Variants in ZNF568 observed in about 807,000 individuals in gnomAD.
The protein encoded by ZNF568 is zinc finger protein 568.
A neutral mutation model predicts 18.1 loss-of-function variants in ZNF568; 11 were observed. That is an observed-to-expected ratio of 0.61 (90% CI 0.38 to 1.00). ZNF568 has a LOEUF of 1.00. Among genes scored for constraint, ZNF568 ranks in the 50% least tolerant of loss-of-function variants. ZNF568 has a pLI of 0.01. For synonymous variants in ZNF568, 213 were observed against 246.6 expected, an observed-to-expected ratio of 0.86 and a Z score of 1.28; for missense variants, 639 against 768.2, an observed-to-expected ratio of 0.83 and a Z score of 1.99.
intron 6 of ZNF568, among the ~76,000 whole-genome samples, chr19:36,947,651 C>T (rs1297043681): frequency 3.3e-5 from 5 of 152,074 alleles, no homozygotes; most frequent in Non-Finnish European, 5.9e-5. Flanking sequence ...CTTTTTAGTC[C>T]CACTCTTATC....
intron 2 of ZNF568, among the ~76,000 whole-genome samples, chr19:36,917,940 G>T (rs762185726): frequency 6.6e-6 from 1 of 151,858 alleles, no homozygotes; most frequent in Non-Finnish European, 1.5e-5. Context: ...AGTTTTTGTT[G>T]TTGTTGTTGT....
intron 6 of ZNF568, among the ~76,000 whole-genome samples, chr19:36,947,050 C>A (rs1568391079): frequency 6.8e-6 from 1 of 147,608 alleles, no homozygotes; most frequent in Non-Finnish European, 1.5e-5. Flanking sequence ...GAGTCTCACT[C>A]TGTTGCCCAG....
chr19:36,982,007 C>T (rs1349880893), downstream of ZNF568, among the ~76,000 whole-genome samples: 1 of 151,150 alleles, frequency 6.6e-6, no homozygotes, highest in Non-Finnish European at 1.5e-5. Context: ...GATTTTATAT[C>T]CCCCCACCTT....
At chr19:36,948,465 T>C (rs962571659) in intron 6 of ZNF568, among the ~76,000 whole-genome samples, 3 of 152,182 alleles carry the variant, frequency 2.0e-5, no homozygotes, top group African/African-American at 7.2e-5. Context: ...TTTCAACTCA[T>C]TGGGGTAAAT....
At chr19:36,994,368 A>C (rs954174718) in intron 4 of ZNF568, among the ~76,000 whole-genome samples, 1 of 152,174 alleles carries the variant, frequency 6.6e-6, no homozygotes, top group Non-Finnish European at 1.5e-5. Context: ...GCTTGAGAAA[A>C]ATGTGTATTC....
chr19:36,967,642 C>T (rs1489894860), intron 6 of ZNF568, among the ~76,000 whole-genome samples: 1 of 152,172 alleles, frequency 6.6e-6, no homozygotes, highest in Non-Finnish European at 1.5e-5. Context: ...ACAAACTGAC[C>T]ATAGAAGCTG....
At chr19:36,934,289 A>T (rs1600789830) in intron 4 of ZNF568, among the ~76,000 whole-genome samples, 1 of 143,226 alleles carries the variant, frequency 7.0e-6, no homozygotes, top group Non-Finnish European at 1.5e-5. Context: ...TAGTTTGATC[A>T]TCTTCTTCTA....
intron 4 of ZNF568, among the ~76,000 whole-genome samples, chr19:36,936,178 A>G (rs1175473264): frequency 1.3e-5 from 2 of 152,166 alleles, no homozygotes; most frequent in Non-Finnish European, 2.9e-5. Flanking sequence ...CTTCAGATTT[A>G]TACTAAGTTC....
chr19:36,983,092 G>A (rs2074344891), downstream of ZNF568, among the ~76,000 whole-genome samples: 1 of 152,178 alleles, frequency 6.6e-6, no homozygotes, highest in African/African-American at 2.4e-5. Context: ...TCAAATTTTA[G>A]TGTTCATGAA....
chr19:36,990,640 A>T (rs1234454096), intron 2 of ZNF568, among the ~76,000 whole-genome samples: 1 of 152,166 alleles, frequency 6.6e-6, no homozygotes, highest in Non-Finnish European at 1.5e-5. Context: ...TTGAAAAATA[A>T]TGAATGACTA....
intron 2 of ZNF568, among the ~76,000 whole-genome samples, chr19:36,918,939 T>G (rs977275624): frequency 2.0e-5 from 3 of 152,354 alleles, no homozygotes; most frequent in Non-Finnish European, 4.4e-5. Context: ...TCAAGATTCA[T>G]CCATGTTAGC....
chr19:36,988,910 A>G (rs775579290), intron 2 of ZNF568, among the ~76,000 whole-genome samples: 4 of 152,118 alleles, frequency 2.6e-5, no homozygotes, highest in Non-Finnish European at 5.9e-5. Flanking sequence ...TTATTGTTAA[A>G]CCATAGTCAC....
chr19:36,955,767 T>C (rs118022691), downstream of ZNF568, among the ~76,000 whole-genome samples: 6,282 of 152,046 alleles, frequency 0.041, 178 homozygotes, highest in Non-Finnish European at 0.057. Context: ...TAGAAATTGA[T>C]AGATTTCAGA....
chr19:36,961,023 ATC>A (rs1241438736), intron 6 of ZNF568, among the ~76,000 whole-genome samples: 2 of 152,160 alleles, frequency 1.3e-5, no homozygotes, highest in African/African-American at 4.8e-5. Context: ...TTCTGTGAAT[ATC>A]TGTTAGGTGT....
chr19:36,955,188 G>C (rs953330816), downstream of ZNF568, among the ~76,000 whole-genome samples: 1 of 132,016 alleles, frequency 7.6e-6, no homozygotes, highest in Admixed American at 7.5e-5. Context: ...ATAAATATTT[G>C]TGAGACTTTT....
At chr19:36,923,560 G>A (rs1600765807) in intron 3 of ZNF568, among the ~76,000 whole-genome samples, 1 of 150,762 alleles carries the variant, frequency 6.6e-6, no homozygotes, top group South Asian at 2.1e-4. Flanking sequence ...TTTTCTCTCT[G>A]CATTGCTTCA....
chr19:36,968,121 T>C (rs1180799293), intron 6 of ZNF568, among the ~76,000 whole-genome samples: 1 of 152,188 alleles, frequency 6.6e-6, no homozygotes, highest in East Asian at 1.9e-4. Context: ...AATATGTATA[T>C]ATGTGTGTCA....
intron 6 of ZNF568, among the ~76,000 whole-genome samples, chr19:36,960,756 C>G (rs1726788967): frequency 6.6e-6 from 1 of 151,088 alleles, no homozygotes; most frequent in African/African-American, 2.4e-5. Flanking sequence ...TTTTTTCTTT[C>G]AATTTTCATT....
At chr19:36,997,381 G>A, downstream of ZNF568, 2 of 1,592,886 alleles carry the variant, frequency 1.3e-6, no homozygotes, top group African/African-American at 1.3e-5. Context: ...AAAACCCTAT[G>A]AGTGTAAGGA....
Sources: gnomAD v4.1 joint callset for allele counts (sites outside exome capture counted in the v4.1 genomes callset) on GRCh38, gnomAD v4.1.1 for gene constraint, MANE v1.5 for transcripts, NCBI Gene and HGNC (gene_info 2026-07-23, HGNC 2026-07-21) for gene names.